FOXJ3: variants seen among roughly 807,000 people sequenced by gnomAD.
FOXJ3 encodes forkhead box protein J3.
FOXJ3 carries 22 observed loss-of-function variants against 76.1 expected under a neutral mutation model. The ratio of observed to expected loss-of-function variants is 0.29; its 90% confidence interval spans 0.21 to 0.41. The LOEUF is 0.41. Ranked by LOEUF, FOXJ3 falls within the 10% of genes least tolerant of loss-of-function variation. The pLI is 1.00. For synonymous variants in FOXJ3, 269 were observed against 261.2 expected (o/e 1.03, Z -0.29); for missense variants, 613 against 762.1 (o/e 0.80, Z 2.30).
At chr1:42,292,448 G>A (rs1319800482) in intron 2 of FOXJ3, among the ~76,000 whole-genome samples, 1 of 152,188 alleles carries the variant, frequency 6.6e-6, no homozygotes, top group Admixed American at 6.5e-5. Flanking sequence ...ACAAACTGTT[G>A]TGAATATACC....
chr1:42,284,256 C>T (rs1237291647), intron 2 of FOXJ3, among the ~76,000 whole-genome samples: 6 of 152,048 alleles, frequency 3.9e-5, no homozygotes, highest in South Asian at 2.1e-4. Context: ...TAATAAATTC[C>T]GATACTGACG....
chr1:42,247,002 GAC>G (rs1649607215), intron 4 of FOXJ3, among the ~76,000 whole-genome samples: 1 of 152,164 alleles, frequency 6.6e-6, no homozygotes, highest in Admixed American at 6.5e-5. Flanking sequence ...AGAGCAGAAT[GAC>G]AGTCCCCAGA....
At chr1:42,300,961 C>T (rs969878973) in intron 2 of FOXJ3, among the ~76,000 whole-genome samples, 1 of 152,182 alleles carries the variant, frequency 6.6e-6, no homozygotes, top group Admixed American at 6.5e-5. Context: ...TTCCTTCACA[C>T]TGACTTTGAA....
At chr1:42,216,647 C>T (rs540324549) in intron 5 of FOXJ3, among the ~76,000 whole-genome samples, 10 of 151,908 alleles carry the variant, frequency 6.6e-5, no homozygotes, top group African/African-American at 2.2e-4. Flanking sequence ...TGGGGTATAG[C>T]GAGGGAAAGA....
At chr1:42,181,770 C>A (rs1646324039) in intron 12 of FOXJ3, 147 bp downstream of exon 12, 1 of 529,640 alleles carries the variant, frequency 1.9e-6, no homozygotes, top group Non-Finnish European at 3.3e-6. Context: ...TAACAACTGA[C>A]ACACACACAT....
chr1:42,318,363 T>TG (rs1267739870), intron 1 of FOXJ3, among the ~76,000 whole-genome samples: 9 of 152,202 alleles, frequency 5.9e-5, no homozygotes, highest in African/African-American at 2.2e-4. Context: ...ATTTTGGAGA[T>TG]GGAGTTTCGC....
At chr1:42,251,706 ATTTTTTTTTTTTTTT>A (rs1168120638) in intron 4 of FOXJ3, among the ~76,000 whole-genome samples, 2 of 87,572 alleles carry the variant, frequency 2.3e-5, no homozygotes, top group Non-Finnish European at 2.1e-5. Flanking sequence ...GTTTGCCAGT[ATTTTTTTTTTTTTTT>A]TTTTTTTTTT....
chr1:42,191,764 T>G, intron 8 of FOXJ3, 45 bp from the exon 9 acceptor site: 5 of 1,580,168 alleles, frequency 3.2e-6, no homozygotes, highest in Non-Finnish European at 3.5e-6. Flanking sequence ...TCAGTTGTAT[T>G]TTATGACAAA....
chr1:42,241,595 C>T (rs1331434697), intron 4 of FOXJ3, among the ~76,000 whole-genome samples: 1 of 152,222 alleles, frequency 6.6e-6, no homozygotes, highest in Non-Finnish European at 1.5e-5. Flanking sequence ...GCCACTACCA[C>T]AACCACCAGC....
intron 2 of FOXJ3, among the ~76,000 whole-genome samples, chr1:42,308,002 CACTT>C (rs1231294776): frequency 2.0e-5 from 3 of 152,128 alleles, no homozygotes; most frequent in African/African-American, 4.8e-5. Context: ...AGTTTTAATT[CACTT>C]ACTAACTACC....
intron 4 of FOXJ3, among the ~76,000 whole-genome samples, chr1:42,249,550 C>T (rs569563298): frequency 6.6e-6 from 1 of 152,334 alleles, no homozygotes; most frequent in Admixed American, 6.5e-5. Flanking sequence ...CTAGAACATT[C>T]AAAGACCAAT....
At position 42,308,339 on chromosome 1, in the gene FOXJ3, T is replaced by A. The variant is rs1282223424; in HGVS notation, c.44+2711A>T. On this transcript the variant is annotated intron_variant, in intron 2 of 12. Coordinates refer to ENST00000361346, the MANE Select transcript of FOXJ3 (RefSeq NM_014947.5). ...TGGGTAGTGTAGTGTGCAGGGGCCA[T>A]TTCTGGTTTGGGGAAGACTCTATGG... Among the ~76,000 whole-genome samples the A allele has an allele frequency of 3.3e-5, 5 of 152,182 alleles. No homozygotes were observed. The East Asian group carries it at 9.6e-4, about 29-fold the overall frequency.
intron 1 of FOXJ3, 83 bp from the exon 2 acceptor site, chr1:42,311,193 C>T (rs113455493): frequency 1.0e-5 from 9 of 860,430 alleles, no homozygotes; most frequent in African/African-American, 1.7e-5. Flanking sequence ...ATTTAAAACA[C>T]TCTGAAAACA....
At chr1:42,293,248 GAT>G (rs1247395447) in intron 2 of FOXJ3, among the ~76,000 whole-genome samples, 1 of 150,674 alleles carries the variant, frequency 6.6e-6, no homozygotes, top group Non-Finnish European at 1.5e-5. Context: ...TTGGTGGTCA[GAT>G]GTTACCAAAA....
At chr1:42,238,437 C>T (rs964234677) in intron 4 of FOXJ3, among the ~76,000 whole-genome samples, 2 of 152,228 alleles carry the variant, frequency 1.3e-5, no homozygotes, top group South Asian at 2.1e-4. Context: ...AGCTGACCTG[C>T]GGGCTGGCAG....
At chr1:42,309,445 T>C (rs1421778174) in intron 2 of FOXJ3, among the ~76,000 whole-genome samples, 2 of 152,240 alleles carry the variant, frequency 1.3e-5, no homozygotes, top group African/African-American at 4.8e-5. Flanking sequence ...AGCCTTCCCT[T>C]AGGACTGGCC....
At chr1:42,301,759 T>C (rs189399158) in intron 2 of FOXJ3, among the ~76,000 whole-genome samples, 22 of 152,340 alleles carry the variant, frequency 1.4e-4, no homozygotes, top group East Asian at 5.8e-4. Context: ...TTGGATCTCA[T>C]TGAGCTTCTT....
At chr1:42,198,193 T>C (rs539955328) in intron 7 of FOXJ3, among the ~76,000 whole-genome samples, 1 of 152,362 alleles carries the variant, frequency 6.6e-6, no homozygotes, top group South Asian at 2.1e-4. Flanking sequence ...TTTATTGTCT[T>C]CTTTTACATA....
intron 5 of FOXJ3, among the ~76,000 whole-genome samples, chr1:42,222,046 GAGAAGAAGAAGAAGA>G (rs1161062102): frequency 2.0e-3 from 18 of 9,020 alleles, no homozygotes; most frequent in African/African-American, 2.6e-3. Context: ...GAAGGAGAAG[GAGAAGAAGAAGAAGA>G]AGAAGAAGAA....
Sources: gnomAD v4.1 joint callset for allele counts (sites outside exome capture counted in the v4.1 genomes callset) on GRCh38, gnomAD v4.1.1 for gene constraint, MANE v1.5 for transcripts, NCBI Gene and HGNC (gene_info 2026-07-23, HGNC 2026-07-21) for gene names.